The following FSTL5 variants were observed in gnomAD, a reference collection of about 807,000 sequenced individuals.
FSTL5 encodes the protein follistatin-related protein 5.
A neutral mutation model predicts 89.1 loss-of-function variants in FSTL5; 62 were observed. The ratio of observed to expected loss-of-function variants is 0.70; its 90% CI spans 0.57 to 0.86. The LOEUF (loss-of-function observed/expected upper bound fraction) is 0.86, where lower values mean the gene tolerates loss of function less well. Ranked by LOEUF, FSTL5 falls within the 40% of genes least tolerant of loss-of-function variation. The probability of loss-of-function intolerance (pLI) is 0.00; values close to 1 mark genes in which losing one functional copy is unlikely to be tolerated. For synonymous variants in FSTL5, 383 were observed against 346.2 expected (o/e 1.11, Z -1.18); for missense variants, 1,057 against 1,001.6 (o/e 1.06, Z -0.75).
chr4:161,721,016 C>A (rs533258027), intron 6 of FSTL5, among the ~76,000 whole-genome samples: 5 of 152,066 alleles, frequency 3.3e-5, no homozygotes, highest in Non-Finnish European at 7.4e-5. Flanking sequence ...CGGTGGCTCA[C>A]GCCTGTAATC....
chr4:161,516,724 TACACACACAC>T (rs35139981), intron 10 of FSTL5, among the ~76,000 whole-genome samples: 1,637 of 127,278 alleles, frequency 0.013, 84 homozygotes, highest in Non-Finnish European at 0.017. Flanking sequence ...TATATATATG[TACACACACAC>T]ACACACACAC....
chr4:161,513,272 G>GGGAGAGAGAGA (rs1349844190), intron 10 of FSTL5, among the ~76,000 whole-genome samples: 13 of 110,026 alleles, frequency 1.2e-4, no homozygotes, highest in African/African-American at 4.6e-4. Flanking sequence ...ACAAGGAGGG[G>GGGAGAGAGAGA]GAGAGAGAGA....
chr4:161,867,536 T>C (rs1043734841), intron 4 of FSTL5, among the ~76,000 whole-genome samples: 3 of 151,778 alleles, frequency 2.0e-5, no homozygotes, highest in African/African-American at 4.8e-5. Context: ...TATAACTATT[T>C]GCATATTACA....
chr4:161,473,393 T>C (rs979382523), intron 13 of FSTL5, among the ~76,000 whole-genome samples: 11 of 151,542 alleles, frequency 7.3e-5, no homozygotes, highest in Admixed American at 7.2e-4. Flanking sequence ...ATTTTTTTAT[T>C]AATAAATTAT....
intron 4 of FSTL5, among the ~76,000 whole-genome samples, chr4:161,899,420 TA>T (rs2110785820): frequency 1.3e-5 from 2 of 152,334 alleles, no homozygotes; most frequent in South Asian, 4.1e-4. Flanking sequence ...ACTTTTTGTT[TA>T]ATTCAATCTA....
chr4:161,917,129 AT>A (rs963895398), intron 4 of FSTL5, among the ~76,000 whole-genome samples: 1 of 151,392 alleles, frequency 6.6e-6, no homozygotes, highest in African/African-American at 2.4e-5. Flanking sequence ...ATTTTTTTGT[AT>A]TTTTTTTAGT....
chr4:162,003,816 A>C (rs1459193995), intron 3 of FSTL5, among the ~76,000 whole-genome samples: 1 of 152,182 alleles, frequency 6.6e-6, no homozygotes, highest in Non-Finnish European at 1.5e-5. Context: ...ATTTTATGTG[A>C]ATACAGGGCT....
At chr4:161,829,199 T>C (rs1254260527) in intron 4 of FSTL5, among the ~76,000 whole-genome samples, 1 of 148,416 alleles carries the variant, frequency 6.7e-6, no homozygotes, top group East Asian at 2.0e-4. Context: ...AAATATAGTC[T>C]ATGTTATATA....
At chr4:161,469,709 C>G (rs1359558074) in intron 13 of FSTL5, among the ~76,000 whole-genome samples, 1 of 151,148 alleles carries the variant, frequency 6.6e-6, no homozygotes, top group African/African-American at 2.4e-5. Context: ...GCCATCTCGG[C>G]TCACTGGAAG....
chr4:161,472,567 A>G (rs760385394), intron 13 of FSTL5, among the ~76,000 whole-genome samples: 6 of 150,438 alleles, frequency 4.0e-5, no homozygotes, highest in Non-Finnish European at 8.9e-5. Flanking sequence ...TTTTATTTTC[A>G]TTTGCCTCTA....
At chr4:161,418,090 T>C (rs1171551440) in intron 15 of FSTL5, among the ~76,000 whole-genome samples, 1 of 152,182 alleles carries the variant, frequency 6.6e-6, no homozygotes, top group Non-Finnish European at 1.5e-5. Context: ...TCAATTCATC[T>C]GTTTTCCTCC....
intron 14 of FSTL5, among the ~76,000 whole-genome samples, chr4:161,457,958 A>G (rs997079398): frequency 6.6e-6 from 1 of 152,162 alleles, no homozygotes; most frequent in Non-Finnish European, 1.5e-5. Flanking sequence ...ATGTAGCAAA[A>G]TTGGCTTTAT....
intron 3 of FSTL5, among the ~76,000 whole-genome samples, chr4:161,971,278 A>G (rs1735474770): frequency 1.3e-5 from 2 of 152,144 alleles, no homozygotes; most frequent in African/African-American, 4.8e-5. Context: ...CCTTTTCATT[A>G]TGTCACAAAC....
chr4:161,877,259 T>G, intron 4 of FSTL5, among the ~76,000 whole-genome samples: 1 of 150,824 alleles, frequency 6.6e-6, no homozygotes, highest in South Asian at 2.1e-4. Flanking sequence ...TAAAAATTAT[T>G]AGGATAATAT....
At chr4:161,797,733 T>C (rs1399661993) in intron 4 of FSTL5, among the ~76,000 whole-genome samples, 1 of 151,666 alleles carries the variant, frequency 6.6e-6, no homozygotes, top group Non-Finnish European at 1.5e-5. Flanking sequence ...AGACATCATT[T>C]TTCTCATAAA....
chr4:161,583,166 A>T (rs1215361360), intron 8 of FSTL5, among the ~76,000 whole-genome samples: 2 of 152,176 alleles, frequency 1.3e-5, no homozygotes, highest in East Asian at 3.9e-4. Flanking sequence ...GCGCCACTGC[A>T]CTCCAGCCTG....
intron 3 of FSTL5, among the ~76,000 whole-genome samples, chr4:162,010,887 C>T (rs1035597874): frequency 3.3e-5 from 5 of 152,066 alleles, no homozygotes; most frequent in African/African-American, 1.2e-4. Flanking sequence ...ATTACAAATG[C>T]TATTATGAAC....
intron 6 of FSTL5, among the ~76,000 whole-genome samples, chr4:161,703,303 A>G (rs904492212): frequency 6.6e-6 from 1 of 152,120 alleles, no homozygotes; most frequent in Admixed American, 6.6e-5. Flanking sequence ...TTTCAACCTA[A>G]GTCCAAACTT....
At chr4:161,465,958 T>C (rs1168960265) in intron 13 of FSTL5, among the ~76,000 whole-genome samples, 1 of 152,220 alleles carries the variant, frequency 6.6e-6, no homozygotes. Flanking sequence ...CAATTAATAG[T>C]AGTGATTTAT....
Sources: allele counts gnomAD v4.1 joint callset (sites outside exome capture counted in the v4.1 genomes callset), GRCh38; gene constraint gnomAD v4.1.1; transcripts MANE v1.5; gene names NCBI Gene and HGNC (gene_info 2026-07-23, HGNC 2026-07-21).